Variants in CELSR3 observed in about 807,000 individuals in gnomAD.
The protein encoded by CELSR3 is cadherin EGF LAG seven-pass G-type receptor 3, also known as EGF-like protein 1.
Under a neutral mutation model 270.0 loss-of-function variants are expected in CELSR3, and 73 were observed. The observed-to-expected ratio is 0.27, with a 90% CI of 0.22 to 0.33. The LOEUF is 0.33. Ranked by LOEUF, CELSR3 falls within the 10% of genes least tolerant of loss-of-function variation. CELSR3 has a pLI of 1.00. For synonymous variants in CELSR3, 1,780 were observed against 1,905.4 expected (o/e 0.93, Z 1.71); for missense variants, 3,614 against 4,533.8 (o/e 0.80, Z 5.83).
At position 48,652,175 on chromosome 3, in the gene CELSR3, G is replaced by A. The variant is rs2047143515; in HGVS notation, c.5752-127C>T. The A allele has an allele frequency of 1.9e-6, 2 of 1,033,334 alleles. No individual in the cohort carries two copies. Among genetic ancestry groups the A allele is most frequent in the African/African-American group, 3.3e-5 (2 of 61,206 alleles). 64.0% of individuals were successfully genotyped at this position (1,033,334 alleles called of 1,614,324 possible). A position where few individuals can be genotyped will look rare whatever the true frequency, so the allele number is the denominator to read the frequency against. On this transcript the variant is annotated intron_variant, in intron 11 of 34. Transcript: ENST00000164024. This position sits in a 1 kb window ranked among gnomAD's most constrained non-coding sequence, Gnocchi z 4.3. ...CTTCTGATACCCTCAAAAAACCCAGGCCTCAAAAATATCCCCAATTTGGTA... is the reference window on the plus strand; with the variant it reads ...CTTCTGATACCCTCAAAAAACCCAGACCTCAAAAATATCCCCAATTTGGTA...
Position 48,650,435 on chromosome 3 carries a change from G to GGGC in CELSR3, c.6472+44_6472+45insGCC. 8.2e-7 allele frequency: 1 copy of GGGC among 1,213,560 alleles called. No homozygotes were observed. The highest frequency in any genetic ancestry group is 2.8e-5 in the East Asian group (1 of 36,220). The allele number at this position is 1,213,560 out of a possible 1,614,324, so 75.2% of individuals were successfully genotyped here. ...CATGGCTCTAGCAGTCAGAGTACAGGCCCACCCCCACCCTCAGTGATGTCC... is the reference window on the plus strand; with the variant it reads ...CATGGCTCTAGCAGTCAGAGTACAGGGGCCCCACCCCCACCCTCAGTGATGTCC... On this transcript the variant is annotated intron_variant, in intron 16 of 34. Transcript: ENST00000164024. This position sits in a 1 kb window ranked among gnomAD's most constrained non-coding sequence, Gnocchi z 5.1.
Position 48,640,534 on chromosome 3 carries a change from G to A in CELSR3, c.9051C>T (p.Tyr3017=), listed in dbSNP as rs1178600606. ...CACCTCGGGTCTGTGGCACCAGTGG[G>A]TATTGCAACCGGTTCTTCAGGATGC... ...RKGILKNRLQ[Y]PLVPQTRGAP... is the part of the protein sequence containing the mutation. Residue 3017 remains tyrosine (Y), a synonymous_variant, in exon 34 of 35, where the codon TAC becomes TAT. Coordinates refer to ENST00000164024, the MANE Select transcript of CELSR3 (RefSeq NM_001407.3). The surrounding 1 kb of genome is among the most constrained non-coding windows in gnomAD (Gnocchi z 7.5). 6.3e-7 allele frequency: 1 copy of A among 1,596,472 alleles called. No homozygotes were observed.
In CELSR3 at chr3:48,661,485, G is replaced by A. The variant is rs762610975; in HGVS notation, c.1150C>T (p.Leu384Phe). Residue 384 changes from leucine to phenylalanine, a missense_variant, in exon 1 of 35, where the codon CTT becomes TTT. By Grantham distance (22) the Leu-to-Phe change is conservative. Around this residue, in one of 7 missense-constraint regions of CELSR3, gnomAD observed 354 missense variants for 500.9 expected, o/e 0.71. Coordinates refer to ENST00000164024, the MANE Select transcript of CELSR3 (RefSeq NM_001407.3). ...ELFSIDPQSG[L>F]IRTAAALDRE... ...TCCAGAGCTGCCGCCGTACGGATAAGGCCGCTCTGCGGGTCGATGCTGAAC... is the reference window on the plus strand; with the variant it reads ...TCCAGAGCTGCCGCCGTACGGATAAAGCCGCTCTGCGGGTCGATGCTGAAC... 3.1e-6 allele frequency: 5 copies of A among 1,604,964 alleles called. No individual in the cohort carries two copies. The highest frequency in any genetic ancestry group is 3.4e-6 in the Non-Finnish European group (4 of 1,175,678).
chr3:48,642,104 G>T lies in CELSR3; in HGVS notation c.8666-95C>A. On this transcript the variant is annotated intron_variant, in intron 31 of 34. Transcript: ENST00000164024. This position sits in a 1 kb window ranked among gnomAD's most constrained non-coding sequence, Gnocchi z 6.1. ...GGTCTAGAGGTGGGTACGGCAAGGGGGTTAGGGTTGGGGACAGGAACCGGG... is the reference window on the plus strand; with the variant it reads ...GGTCTAGAGGTGGGTACGGCAAGGGTGTTAGGGTTGGGGACAGGAACCGGG... 1 of 1,248,066 alleles carries T rather than the reference G, an allele frequency of 8.0e-7. No homozygotes were observed. Among genetic ancestry groups the T allele is most frequent in the Non-Finnish European group, 1.1e-6 (1 of 912,836 alleles). 77.3% of individuals were successfully genotyped at this position (1,248,066 alleles called of 1,614,324 possible).
chr3:48,643,514 C>G lies in CELSR3; in HGVS notation c.8289+40G>C, dbSNP rs763582092. 55 of 1,540,896 alleles carry G rather than the reference C, an allele frequency of 3.6e-5. No homozygotes were observed. The African/African-American group carries it at 7.4e-4, about 21-fold the overall frequency. On this transcript the variant is annotated intron_variant, in intron 28 of 34. Transcript: ENST00000164024. ...AGGGATGGCCCCAGCCTACTGAAGG[C>G]CCACCTGGTTCTGGGGCAAGGGAGG...
At position 48,644,332 on chromosome 3, in the gene CELSR3, C is replaced by CAG. The variant is rs147930066; in HGVS notation, c.8086-39_8086-38dup. The CAG allele has an allele frequency of 2.7e-3, 3,903 of 1,472,064 alleles. 13 individuals are homozygous for CAG. Among genetic ancestry groups the CAG allele is most frequent in the African/African-American group, 0.02 (1,391 of 70,912 alleles). 91.2% of individuals were successfully genotyped at this position (1,472,064 alleles called of 1,614,324 possible). A position where few individuals can be genotyped will look rare whatever the true frequency, so the allele number is the denominator to read the frequency against. On this transcript the variant is annotated intron_variant, in intron 26 of 34. Coordinates refer to ENST00000164024, the MANE Select transcript of CELSR3 (RefSeq NM_001407.3). The surrounding 1 kb of genome is among the most constrained non-coding windows in gnomAD (Gnocchi z 4.8). ...GCCAGACATGTGGGGCCGGGCAGGGCAGAGAGAGAGAGAGAGAGAGAGGCA... is the reference window on the plus strand; with the variant it reads ...GCCAGACATGTGGGGCCGGGCAGGGCAGAGAGAGAGAGAGAGAGAGAGAGGCA...
Position 48,641,336 on chromosome 3 carries a change from G to T in CELSR3, c.9013C>A (p.Arg3005Ser). 6.2e-7 allele frequency: 1 copy of T among 1,605,710 alleles called. No individual in the cohort carries two copies. Among genetic ancestry groups the T allele is most frequent in the Non-Finnish European group, 8.5e-7 (1 of 1,174,048 alleles). ...TCAGGGACTGTACCTTTCCTCTGGCGCTGGGCCCGGCCCAGAGAAGTCTCA... is the reference window on the plus strand; with the variant it reads ...TCAGGGACTGTACCTTTCCTCTGGCTCTGGGCCCGGCCCAGAGAAGTCTCA... ...GDETSLGRAQ[R>S]QRKGILKNRL... Residue 3005 changes from arginine (R) to serine (S), a missense_variant, in exon 33 of 35, where the codon CGC becomes AGC. Transcript: ENST00000164024. The surrounding 1 kb of genome is among the most constrained non-coding windows in gnomAD (Gnocchi z 4.8).
At position 48,654,856 on chromosome 3, in the gene CELSR3, T is replaced by C. The variant is rs930126455; in HGVS notation, c.4988+188A>G. Among the ~76,000 whole-genome samples, 3 of 144,684 alleles carry C rather than the reference T, an allele frequency of 2.1e-5. No individual in the cohort carries two copies. The highest frequency in any genetic ancestry group is 3.0e-5 in the Non-Finnish European group (2 of 66,010). 94.9% of individuals were successfully genotyped at this position (144,684 alleles called of 152,430 possible). A position where few individuals can be genotyped will look rare whatever the true frequency, so the allele number is the denominator to read the frequency against. On this transcript the variant is annotated intron_variant, in intron 6 of 34. Transcript: ENST00000164024. The surrounding 1 kb of genome is among the most constrained non-coding windows in gnomAD (Gnocchi z 5.4). Reference sequence around the variant, plus strand: ...GGACTGTGTGTGGGAGGAGGGAGTATGGGGTGGAATACAGGATTGGGGGCT... The same window carrying C: ...GGACTGTGTGTGGGAGGAGGGAGTACGGGGTGGAATACAGGATTGGGGGCT...
chr3:48,643,562 C>T lies in CELSR3; in HGVS notation c.8281G>A (p.Gly2761Ser), dbSNP rs1387273635. 1.0e-5 allele frequency: 16 copies of T among 1,550,184 alleles called. No homozygotes were observed. Among genetic ancestry groups the T allele is most frequent in the East Asian group, 2.4e-5 (1 of 40,904 alleles). Reference protein sequence around the residue: ...AFHYLHAGLCGLQGLAVLLLF... With the variant: ...AFHYLHAGLCSLQGLAVLLLF... The stretch of plus-strand genomic sequence containing the variant: ...AGGGGCACCAGAGTCACCTGGAGGC[C>T]GCAGAGTCCAGCATGGAGGTAGTGG... The change falls in exon 28 of 35, where the codon GGC becomes AGC. Residue 2761 changes from glycine (G) to serine (S), a missense_variant. Physicochemically the swap from Gly to Ser is moderately conservative, Grantham distance 56. This residue lies in a region of CELSR3 where 1,240 missense variants were observed against 1,351.7 expected (regional missense o/e 0.92). Transcript: ENST00000164024.
chr3:48,645,770 C>T lies in CELSR3; in HGVS notation c.7562G>A (p.Gly2521Glu). The T allele has an allele frequency of 6.2e-7, 1 of 1,611,800 alleles. No homozygotes were observed. The highest frequency in any genetic ancestry group is 8.5e-7 in the Non-Finnish European group (1 of 1,179,184). The change falls in exon 23 of 35, where the codon GGG (glycine) becomes GAG (glutamate). Residue 2521 changes from glycine (G) to glutamate (E), a missense_variant. Coordinates refer to ENST00000164024, the MANE Select transcript of CELSR3 (RefSeq NM_001407.3). The surrounding 1 kb of genome is among the most constrained non-coding windows in gnomAD (Gnocchi z 5.4). ...RCRCSRTGTF[G>E]VLMDASPRER... ...ACGGGGAGAGGCATCCATGAGGACC[C>T]CAAAGGTCCCTGTCCGGCTGCAGCG...
At chr3:48,643,196 G>C (rs1159780490) in intron 28 of CELSR3, 113 bp from the exon 29 acceptor site, 1 of 743,498 alleles carries the variant, frequency 1.3e-6, no homozygotes, top group Non-Finnish European at 2.3e-6. Context: ...GGGTCAGTGA[G>C]GAGCCCATGC....
rs1390350392 is a variant in CELSR3, at chr3:48,637,923, C to A, written c.*282G>T. 1.1e-4 allele frequency: 46 copies of A among 418,284 alleles called. No homozygotes were observed. The Admixed American group carries it at 1.7e-3, about 15-fold the overall frequency. The allele number at this position is 418,284 out of a possible 1,614,324, so 25.9% of individuals were successfully genotyped here. On this transcript the variant is annotated 3_prime_UTR_variant, in exon 35 of 35. Coordinates refer to ENST00000164024, the MANE Select transcript of CELSR3 (RefSeq NM_001407.3). ...TCCCCCTCCCAGCCCAGCCTCAAAC[C>A]CCCCAGGAGACAGAAAAGCTGAAAA...
Position 48,640,604 on chromosome 3 carries a change from G to A in CELSR3, c.9026-45C>T. ...GGGGGCAGGGTTTGTGTGGGAGGGGGAGGGCAGGCAGGAATTGCTGAGTCT... is the reference window on the plus strand; with the variant it reads ...GGGGGCAGGGTTTGTGTGGGAGGGGAAGGGCAGGCAGGAATTGCTGAGTCT... On this transcript the variant is annotated intron_variant, in intron 33 of 34. Coordinates refer to ENST00000164024, the MANE Select transcript of CELSR3 (RefSeq NM_001407.3). The surrounding 1 kb of genome is among the most constrained non-coding windows in gnomAD (Gnocchi z 7.5). 2 of 1,475,112 alleles carry A rather than the reference G, an allele frequency of 1.4e-6. No individual in the cohort carries two copies. The highest frequency in any genetic ancestry group is 9.1e-7 in the Non-Finnish European group (1 of 1,100,090). The allele number at this position is 1,475,112 out of a possible 1,614,324, so 91.4% of individuals were successfully genotyped here. A position where few individuals can be genotyped will look rare whatever the true frequency, so the allele number is the denominator to read the frequency against.
rs2047066569 is a variant in CELSR3 at position 48,645,065 on chromosome 3, G to A, written c.7942C>T (p.Leu2648=). 6.3e-7 allele frequency: 1 copy of A among 1,596,400 alleles called. No individual in the cohort carries two copies. The part of the protein sequence containing the change: ...DRGAMRFYHA[L]GWGVPAVLLG... The stretch of plus-strand genomic sequence containing the variant: ...AGCACAGCAGGGACGCCCCAGCCCA[G>A]GGCATGGTAGAAGCGCATGGCGCCG... The change falls in exon 25 of 35, where the codon CTG becomes TTG. Residue 2648 remains leucine, a synonymous_variant. Transcript: ENST00000164024. The surrounding 1 kb of genome is among the most constrained non-coding windows in gnomAD (Gnocchi z 5.4).
At position 48,645,226 on chromosome 3, in the gene CELSR3, G is replaced by A. The variant is rs753141313; in HGVS notation, c.7798-17C>T. On this transcript the variant is annotated splice_polypyrimidine_tract_variant and intron_variant, in intron 24 of 34. Coordinates refer to ENST00000164024, the MANE Select transcript of CELSR3 (RefSeq NM_001407.3). The surrounding 1 kb of genome is among the most constrained non-coding windows in gnomAD (Gnocchi z 5.4). ...GCACACCAGCTGAGGGCAGGGGGGCGTGTCAGGACCTCTCCTGCCTCACCC... is the reference window on the plus strand; with the variant it reads ...GCACACCAGCTGAGGGCAGGGGGGCATGTCAGGACCTCTCCTGCCTCACCC... 31 of 1,558,702 alleles carry A rather than the reference G, an allele frequency of 2.0e-5. No individual in the cohort carries two copies. Among genetic ancestry groups the A allele is most frequent in the Non-Finnish European group, 1.9e-5 (22 of 1,146,004 alleles).
chr3:48,661,347 A>C lies in CELSR3; in HGVS notation c.1288T>G (p.Ser430Ala). ...AVTVADRNDH[S>A]PVFEQAQYRE... Reference sequence around the variant, plus strand: ...TACTGCGCTTGCTCAAAAACCGGCGAGTGGTCGTTGCGGTCGGCTACTGTC... The same window carrying C: ...TACTGCGCTTGCTCAAAAACCGGCGCGTGGTCGTTGCGGTCGGCTACTGTC... Residue 430 changes from serine (S) to alanine (A), a missense_variant, in exon 1 of 35, where the codon TCG (serine) becomes GCG (alanine). Physicochemically the swap from Ser to Ala is moderately conservative, Grantham distance 99. Around this residue, in one of 7 missense-constraint regions of CELSR3, gnomAD observed 354 missense variants for 500.9 expected, o/e 0.71. Coordinates refer to ENST00000164024, the MANE Select transcript of CELSR3 (RefSeq NM_001407.3). The C allele has an allele frequency of 6.2e-7, 1 of 1,613,024 alleles. No homozygotes were observed. The highest frequency in any genetic ancestry group is 2.2e-5 in the East Asian group (1 of 44,850).
At position 48,659,411 on chromosome 3, in the gene CELSR3, C is replaced by A; in HGVS notation, c.3224G>T (p.Arg1075Leu). The A allele has an allele frequency of 1.9e-6, 3 of 1,614,212 alleles. No homozygotes were observed. Among genetic ancestry groups the A allele is most frequent in the South Asian group, 2.2e-5 (2 of 91,084 alleles). Residue 1075 changes from arginine (R) to leucine (L), a missense_variant, in exon 1 of 35, where the codon CGG (arginine) becomes CTG (leucine). Physicochemically the swap from Arg to Leu is moderately radical, Grantham distance 102. Transcript: ENST00000164024. The surrounding 1 kb of genome is among the most constrained non-coding windows in gnomAD (Gnocchi z 8.1). ...PVFPAEEFEV[R>L]VKENSIVGSV... ...GCCCACAATGCTATTCTCTTTCACC[C>A]GCACCTCAAACTCCTCAGCTGGGAA... is the stretch of plus-strand genomic sequence containing the variant.
Position 48,659,192 on chromosome 3 carries a change from G to C in CELSR3, c.3443C>G (p.Pro1148Arg). ...YVIVVQATSA[P>R]LVSRATVHVR... ...GTGCACAGTGGCCCGGCTGACCAAA[G>C]GAGCAGATGTGGCCTGCACCACAAT... is the stretch of plus-strand genomic sequence containing the variant. Residue 1148 changes from proline (P) to arginine (R), a missense_variant, in exon 1 of 35, where the codon CCT becomes CGT. Physicochemically the swap from Pro to Arg is moderately radical, Grantham distance 103. This residue lies in a region of CELSR3 where 1,331 missense variants were observed against 1,933.7 expected (regional missense o/e 0.69). Transcript: ENST00000164024. This position sits in a 1 kb window ranked among gnomAD's most constrained non-coding sequence, Gnocchi z 8.1. 1 of 1,614,194 alleles carries C rather than the reference G, an allele frequency of 6.2e-7. No individual in the cohort carries two copies. The highest frequency in any genetic ancestry group is 8.5e-7 in the Non-Finnish European group (1 of 1,180,036).
In CELSR3 at chr3:48,659,119, G is replaced by A; in HGVS notation, c.3516C>T (p.Phe1172=). 2 of 1,614,234 alleles carry A rather than the reference G, an allele frequency of 1.2e-6. No individual in the cohort carries two copies. Among genetic ancestry groups the A allele is most frequent in the South Asian group, 1.1e-5 (1 of 91,084 alleles). The change falls in exon 1 of 35, where the codon TTC becomes TTT. Residue 1172 remains phenylalanine, a synonymous_variant. Transcript: ENST00000164024. The surrounding 1 kb of genome is among the most constrained non-coding windows in gnomAD (Gnocchi z 8.1). ...QNDNSPVLNN[F]QILFNNYVSN... is the part of the protein sequence containing the mutation. Reference sequence around the variant, plus strand: ...ATACATAGTTGTTGAAGAGGATCTGGAAGTTGTTGAGCACAGGGCTGTTGT... The same window carrying A: ...ATACATAGTTGTTGAAGAGGATCTGAAAGTTGTTGAGCACAGGGCTGTTGT...
Sources: gnomAD v4.1 joint callset for allele counts (sites outside exome capture counted in the v4.1 genomes callset) on GRCh38, gnomAD v4.1.1 for gene constraint, gnomAD v4.1.1 regional missense constraint, Gnocchi (gnomAD v3.1) non-coding constraint, MANE v1.5 for transcripts, NCBI Gene and HGNC (gene_info 2026-07-23, HGNC 2026-07-21) for gene names.